Variants in CTNNA3 observed in about 807,000 individuals in gnomAD.
The protein encoded by CTNNA3 is catenin alpha-3.
A neutral mutation model predicts 95.7 loss-of-function variants in CTNNA3; 76 were observed. The observed-to-expected ratio is 0.79, with a 90% CI of 0.66 to 0.96. CTNNA3 has a LOEUF of 0.96. Ranked by LOEUF, CTNNA3 falls within the 40% of genes least tolerant of loss-of-function variation. The pLI is 0.00. For synonymous variants in CTNNA3, 431 were observed against 374.4 expected (o/e 1.15, Z -1.74); for missense variants, 1,191 against 1,089.8 (o/e 1.09, Z -1.31).
At chr10:67,222,008 G>C (rs1310408903) in intron 5 of CTNNA3, among the ~76,000 whole-genome samples, 1 of 152,068 alleles carries the variant, frequency 6.6e-6, no homozygotes, top group African/African-American at 2.4e-5. Context: ...GGTGCAAGGA[G>C]ATAGAAACTA....
At chr10:66,273,178 G>T (rs1218693433) in intron 13 of CTNNA3, among the ~76,000 whole-genome samples, 1 of 152,032 alleles carries the variant, frequency 6.6e-6, no homozygotes, top group African/African-American at 2.4e-5. Flanking sequence ...TGGCATATCA[G>T]GATTGCCTGC....
chr10:67,062,127 C>T (rs1324436421), intron 7 of CTNNA3, among the ~76,000 whole-genome samples: 1 of 152,016 alleles, frequency 6.6e-6, no homozygotes, highest in Admixed American at 6.6e-5. Context: ...CTCTTAGGAT[C>T]ATATAACAAA....
At chr10:66,482,055 G>A (rs1839556835) in intron 11 of CTNNA3, among the ~76,000 whole-genome samples, 1 of 152,038 alleles carries the variant, frequency 6.6e-6, no homozygotes, top group African/African-American at 2.4e-5. Context: ...TGTATGTATT[G>A]GGGGAGGAAG....
chr10:65,970,989 T>TC (rs1491208852), intron 16 of CTNNA3, among the ~76,000 whole-genome samples: 7 of 133,856 alleles, frequency 5.2e-5, no homozygotes, highest in South Asian at 2.3e-4. Context: ...TAAACCTCTC[T>TC]TTTTTTTTTT....
intron 13 of CTNNA3, among the ~76,000 whole-genome samples, chr10:66,197,029 T>G (rs1214299685): frequency 1.3e-5 from 2 of 152,160 alleles, no homozygotes; most frequent in East Asian, 3.9e-4. Context: ...GTGAAGAACA[T>G]AAGACAGCAT....
intron 7 of CTNNA3, among the ~76,000 whole-genome samples, chr10:67,117,816 G>A (rs1859261189): frequency 1.3e-5 from 2 of 151,974 alleles, no homozygotes; most frequent in Admixed American, 1.3e-4. Flanking sequence ...ATAATGAGGT[G>A]CCTCAGGGAT....
chr10:67,340,043 A>G (rs548663356), intron 5 of CTNNA3, among the ~76,000 whole-genome samples: 136 of 152,272 alleles, frequency 8.9e-4, no homozygotes, highest in Admixed American at 3.3e-3. Flanking sequence ...ATAAAATAAT[A>G]TTGTTCATTA....
At chr10:66,551,366 G>C (rs543254280) in intron 10 of CTNNA3, among the ~76,000 whole-genome samples, 1 of 151,882 alleles carries the variant, frequency 6.6e-6, no homozygotes, top group Non-Finnish European at 1.5e-5. Flanking sequence ...AGTAATATAC[G>C]TATCAGTTTC....
chr10:66,666,553 C>T (rs1009302600), intron 9 of CTNNA3, among the ~76,000 whole-genome samples: 3 of 151,666 alleles, frequency 2.0e-5, no homozygotes, highest in Non-Finnish European at 4.4e-5. Flanking sequence ...TTTGCATTTT[C>T]CCCAGAATAA....
intron 5 of CTNNA3, among the ~76,000 whole-genome samples, chr10:67,261,223 T>TAATGAGATTACCAA (rs1391633315): frequency 6.6e-6 from 1 of 152,138 alleles, no homozygotes; most frequent in African/African-American, 2.4e-5. Flanking sequence ...TGAGTTAAAA[T>TAATGAGATTACCAA]AATGAGATTA....
At chr10:66,548,978 C>T (rs1842125545) in intron 10 of CTNNA3, among the ~76,000 whole-genome samples, 1 of 110,864 alleles carries the variant, frequency 9.0e-6, no homozygotes, top group South Asian at 2.9e-4. Flanking sequence ...TGCCTTTCTC[C>T]ATTTTTTTTT....
intron 13 of CTNNA3, among the ~76,000 whole-genome samples, chr10:66,205,959 A>G (rs1334260715): frequency 2.6e-5 from 4 of 151,978 alleles, no homozygotes; most frequent in African/African-American, 9.6e-5. Flanking sequence ...CACTGAACTA[A>G]CCACATTATG....
chr10:66,711,134 T>C (rs139744794), intron 9 of CTNNA3, among the ~76,000 whole-genome samples: 6 of 151,968 alleles, frequency 3.9e-5, no homozygotes, highest in Admixed American at 2.6e-4. Context: ...TTTCTACCAA[T>C]TGACACAAAT....
At chr10:66,394,238 G>GAACT (rs1564923988) in intron 11 of CTNNA3, among the ~76,000 whole-genome samples, 1 of 151,920 alleles carries the variant, frequency 6.6e-6, no homozygotes, top group Non-Finnish European at 1.5e-5. Context: ...TAGCTAGAGG[G>GAACT]AACTTCAAGT....
At chr10:66,729,347 G>A (rs1432132696) in intron 9 of CTNNA3, among the ~76,000 whole-genome samples, 1 of 152,234 alleles carries the variant, frequency 6.6e-6, no homozygotes, top group Non-Finnish European at 1.5e-5. Flanking sequence ...TTACACTGCA[G>A]GTGAGAGTGC....
intron 7 of CTNNA3, among the ~76,000 whole-genome samples, chr10:66,902,411 G>A (rs1303645343): frequency 1.3e-5 from 2 of 152,134 alleles, no homozygotes; most frequent in African/African-American, 2.4e-5. Context: ...AGCACTAAAT[G>A]CCCACAAGAG....
intron 7 of CTNNA3, among the ~76,000 whole-genome samples, chr10:67,032,050 G>T (rs1329526308): frequency 6.6e-6 from 1 of 152,106 alleles, no homozygotes; most frequent in Non-Finnish European, 1.5e-5. Context: ...TTCTTTTCCA[G>T]TAAAATGAGG....
At chr10:66,302,409 C>T (rs1309835072) in intron 12 of CTNNA3, among the ~76,000 whole-genome samples, 1 of 152,086 alleles carries the variant, frequency 6.6e-6, no homozygotes, top group Non-Finnish European at 1.5e-5. Context: ...CACTACCTGA[C>T]TTCAAGACCT....
At chr10:66,641,093 T>C (rs1243785605) in intron 9 of CTNNA3, among the ~76,000 whole-genome samples, 4 of 152,116 alleles carry the variant, frequency 2.6e-5, no homozygotes, top group Admixed American at 1.3e-4. Flanking sequence ...GTGTTGTTTA[T>C]AACAGCAAAA....
Sources: allele counts gnomAD v4.1 joint callset (sites outside exome capture counted in the v4.1 genomes callset), GRCh38; gene constraint gnomAD v4.1.1; transcripts MANE v1.5; gene names NCBI Gene and HGNC (gene_info 2026-07-23, HGNC 2026-07-21).